Variants in TDRD10 observed in about 807,000 individuals in gnomAD.
TDRD10 encodes the protein tudor domain containing 10.
Under a neutral mutation model 48.0 loss-of-function variants are expected in TDRD10, and 40 were observed. The observed-to-expected ratio is 0.83, with a 90% CI of 0.65 to 1.09. The LOEUF (loss-of-function observed/expected upper bound fraction) is 1.09, where lower values mean the gene tolerates loss of function less well. Ranked by LOEUF, TDRD10 falls within the 50% of genes least tolerant of loss-of-function variation. The pLI is 0.00. For synonymous variants in TDRD10, 162 were observed against 170.4 expected (o/e 0.95, Z 0.38); for missense variants, 378 against 434.7 (o/e 0.87, Z 1.16).
intron 6 of TDRD10, among the ~76,000 whole-genome samples, chr1:154,523,590 C>T (rs550330119): frequency 2.6e-5 from 4 of 152,334 alleles, no homozygotes; most frequent in African/African-American, 9.6e-5. Flanking sequence ...CACACAAAGT[C>T]TGCTGACCCC....
At chr1:154,503,160 T>C (rs1692902051) in intron 1 of TDRD10, 131 bp downstream of exon 1, 2 of 151,814 alleles carry the variant, frequency 1.3e-5, no homozygotes, top group African/African-American at 4.8e-5. Flanking sequence ...CGCGGGGCCG[T>C]CGCTCGCTCG....
At chr1:154,510,943 G>A (rs1693433721) in intron 4 of TDRD10, among the ~76,000 whole-genome samples, 1 of 151,692 alleles carries the variant, frequency 6.6e-6, no homozygotes, top group Non-Finnish European at 1.5e-5. Flanking sequence ...CTACTCGGGA[G>A]GCTGAGGCAG....
At chr1:154,543,231 T>G (rs1695348886) in intron 8 of TDRD10, among the ~76,000 whole-genome samples, 1 of 151,778 alleles carries the variant, frequency 6.6e-6, no homozygotes, top group Admixed American at 6.6e-5. Flanking sequence ...GCCGAGATTG[T>G]GCCACTGCAG....
intron 6 of TDRD10, among the ~76,000 whole-genome samples, chr1:154,524,268 G>A (rs916806927): frequency 6.6e-6 from 1 of 152,130 alleles, no homozygotes; most frequent in Admixed American, 6.5e-5. Flanking sequence ...TTGGGCTCAA[G>A]CCATCCTCCC....
At chr1:154,529,856 T>A (rs1042430949) in intron 6 of TDRD10, among the ~76,000 whole-genome samples, 1 of 152,166 alleles carries the variant, frequency 6.6e-6, no homozygotes, top group Non-Finnish European at 1.5e-5. Context: ...CTTTCTTACT[T>A]TGTAATGTCC....
At chr1:154,507,195 G>A (rs376965293) in intron 2 of TDRD10, 46 bp from the exon 3 acceptor site, 61 of 1,612,384 alleles carry the variant, frequency 3.8e-5, no homozygotes, top group Non-Finnish European at 5.0e-5. Context: ...TCCTTTTGTC[G>A]GAGTCTGAGC....
chr1:154,536,903 C>T (rs924206371), intron 6 of TDRD10, among the ~76,000 whole-genome samples: 10 of 152,154 alleles, frequency 6.6e-5, no homozygotes, highest in Non-Finnish European at 1.3e-4. Flanking sequence ...CGTCCTTGCA[C>T]CTAGATTTAA....
intron 6 of TDRD10, among the ~76,000 whole-genome samples, chr1:154,528,177 G>A (rs1369558668): frequency 2.7e-5 from 4 of 148,162 alleles, no homozygotes; most frequent in East Asian, 4.1e-4. Flanking sequence ...CCAGAAGTTC[G>A]AGAACAACCT....
At chr1:154,519,771 G>T (rs893481829) in intron 4 of TDRD10, among the ~76,000 whole-genome samples, 47 of 151,262 alleles carry the variant, frequency 3.1e-4, no homozygotes, top group Middle Eastern at 3.4e-3. Flanking sequence ...CCTCTGTGGA[G>T]ACACCAACCC....
At position 154,524,935 on chromosome 1, in the gene TDRD10, G is replaced by A. The variant is rs1275020658; in HGVS notation, c.369+3456G>A. On this transcript the variant is annotated intron_variant, in intron 6 of 12. Coordinates refer to ENST00000368482, the MANE Select transcript of TDRD10 (RefSeq NM_182499.4). ...ACCTAGATTCCTTGGACTTCTGTGT[G>A]GCTCCTTCCTCTCTGGTCCTCTGTC... 2.0e-5 allele frequency among the ~76,000 whole-genome samples: 3 copies of A among 152,290 alleles called. No homozygotes were observed. The East Asian group carries it at 5.8e-4, about 29-fold the overall frequency.
At chr1:154,546,759 T>C (rs2149358526) in intron 11 of TDRD10, among the ~76,000 whole-genome samples, 1 of 152,300 alleles carries the variant, frequency 6.6e-6, no homozygotes, top group South Asian at 2.1e-4. Flanking sequence ...AACCCAGAGA[T>C]AAGTCAGACA....
chr1:154,523,029 C>T (rs1170698900), intron 6 of TDRD10, among the ~76,000 whole-genome samples: 1 of 152,126 alleles, frequency 6.6e-6, no homozygotes, highest in Non-Finnish European at 1.5e-5. Context: ...GATTCTCCCA[C>T]CTCAGCTGGG....
At chr1:154,533,894 T>TATATATATATATATATA (rs199523039) in intron 6 of TDRD10, among the ~76,000 whole-genome samples, 2 of 110,488 alleles carry the variant, frequency 1.8e-5, no homozygotes, top group Non-Finnish European at 3.6e-5. Flanking sequence ...TATATATATA[T>TATATATATATATATATA]TTTTTTTTAA....
chr1:154,544,027 C>A lies in TDRD10; in HGVS notation c.568C>A (p.His190Asn). The change falls in exon 9 of 13, where the codon CAT becomes AAT. Residue 190 changes from histidine to asparagine, a missense_variant. By Grantham distance (68) the His-to-Asn change is moderately conservative (BLOSUM62 1). Coordinates refer to ENST00000368482, the MANE Select transcript of TDRD10 (RefSeq NM_182499.4). ...FRDLSWLALI[H>N]SVRGEAGLLV... ...AGACCTGAGCTGGCTGGCACTCATC[C>A]ATAGCGTCCGTGGGGAGGCGGGGCT... 1 of 1,614,218 alleles carries A rather than the reference C, an allele frequency of 6.2e-7. No individual in the cohort carries two copies. The highest frequency in any genetic ancestry group is 1.1e-5 in the South Asian group (1 of 91,082).
intron 7 of TDRD10, among the ~76,000 whole-genome samples, 189 bp from the exon 8 acceptor site, chr1:154,542,542 T>TAAGA (rs779388407): frequency 5.6e-4 from 86 of 152,288 alleles, no homozygotes; most frequent in Non-Finnish European, 1.1e-3. Context: ...GATGCTTTCT[T>TAAGA]AAAGAATATC....
At chr1:154,508,620 AG>A in intron 4 of TDRD10, 139 bp downstream of exon 4, 1 of 671,436 alleles carries the variant, frequency 1.5e-6, no homozygotes. Flanking sequence ...GTTGGTGACT[AG>A]GGTAACCAAT....
At chr1:154,533,275 A>G (rs1570958217) in intron 6 of TDRD10, among the ~76,000 whole-genome samples, 1 of 150,426 alleles carries the variant, frequency 6.6e-6, no homozygotes, top group Non-Finnish European at 1.5e-5. Flanking sequence ...GGAGTAAAGG[A>G]GTTATTATCT....
In TDRD10 at chr1:154,537,975, C is replaced by T. The variant is rs528857620; in HGVS notation, c.370-4049C>T. ...AGCTATTGAGGTGCTGCCTTGATGT[C>T]TGTGGCTTCCGTGTGGCCACCTTTG... is the stretch of plus-strand genomic sequence containing the variant. On this transcript the variant is annotated intron_variant, in intron 6 of 12. Transcript: ENST00000368482. Among the ~76,000 whole-genome samples, 4 of 152,322 alleles carry T rather than the reference C, an allele frequency of 2.6e-5. No individual in the cohort carries two copies. In the South Asian group the frequency reaches 8.3e-4, roughly 32 times the overall value.
At chr1:154,528,088 T>G (rs1475039072) in intron 6 of TDRD10, among the ~76,000 whole-genome samples, 1 of 152,158 alleles carries the variant, frequency 6.6e-6, no homozygotes, top group East Asian at 1.9e-4. Flanking sequence ...TACTTGAACA[T>G]TTTTTAGAAT....
Sources: gnomAD v4.1 joint callset for allele counts (sites outside exome capture counted in the v4.1 genomes callset) on GRCh38, gnomAD v4.1.1 for gene constraint, MANE v1.5 for transcripts, NCBI Gene and HGNC (gene_info 2026-07-23, HGNC 2026-07-21) for gene names.